The following VIT variants were observed in gnomAD, a reference collection of about 807,000 sequenced individuals.
The protein encoded by VIT is vitrin.
A neutral mutation model predicts 78.0 loss-of-function variants in VIT; 99 were observed. The ratio of observed to expected loss-of-function variants is 1.27; its 90% confidence interval spans 1.08 to 1.50. The LOEUF (loss-of-function observed/expected upper bound fraction) is 1.50. VIT is among the 40% of genes most tolerant of loss of function. The probability of loss-of-function intolerance (pLI) is 0.00; values close to 1 mark genes in which losing one functional copy is unlikely to be tolerated. For missense variants in VIT, 1,126 were observed against 875.3 expected, an observed-to-expected ratio of 1.29 and a Z score of -3.61; for synonymous variants, 374 against 334.3, an observed-to-expected ratio of 1.12 and a Z score of -1.29.
intron 10 of VIT, 70 bp from the exon 11 acceptor site, chr2:36,783,270 C>A: frequency 6.6e-7 from 1 of 1,516,112 alleles, no homozygotes; most frequent in Non-Finnish European, 9.1e-7. Context: ...CCATTATGTC[C>A]CCTCCCATGG....
chr2:36,779,933 C>T (rs961856894), intron 9 of VIT, among the ~76,000 whole-genome samples: 22 of 151,156 alleles, frequency 1.5e-4, no homozygotes, highest in African/African-American at 5.4e-4. Context: ...GGAGGCAAAC[C>T]TGGAAAGAAA....
intron 2 of VIT, among the ~76,000 whole-genome samples, chr2:36,727,829 C>T (rs533270456): frequency 6.6e-6 from 1 of 152,284 alleles, no homozygotes; most frequent in South Asian, 2.1e-4. Flanking sequence ...CCTACTGAGC[C>T]GCCAGCTGCC....
intron 2 of VIT, among the ~76,000 whole-genome samples, chr2:36,726,236 A>T (rs912252161): frequency 1.3e-5 from 2 of 152,222 alleles, no homozygotes; most frequent in African/African-American, 4.8e-5. Context: ...TTAAGTTATG[A>T]TACATCCATA....
In VIT at chr2:36,755,016, T is replaced by A; in HGVS notation, c.371T>A (p.Leu124Ter). Residue 124 changes from leucine to a stop codon, truncating the protein, a stop_gained, in exon 5 of 16, where the codon TTA (leucine) becomes TAA (stop). Coordinates refer to ENST00000379242, the MANE Select transcript of VIT (RefSeq NM_053276.4). LOFTEE classifies it high-confidence loss of function. ...AGTTATTCCAACGGTGTCCAATCGT[T>A]ATCCCTACCACGATGGAGAGAATCC... is the stretch of plus-strand genomic sequence containing the variant. ...KGSYSNGVQSLSLPRWRESFI... is the reference protein window; with the variant it reads ...KGSYSNGVQS 6.2e-7 allele frequency: 1 copy of A among 1,614,202 alleles called. No homozygotes were observed. Among genetic ancestry groups the A allele is most frequent in the Middle Eastern group, 1.6e-4 (1 of 6,062 alleles).
intron 1 of VIT, among the ~76,000 whole-genome samples, chr2:36,708,237 C>G (rs898016221): frequency 1.3e-5 from 2 of 152,048 alleles, no homozygotes; most frequent in African/African-American, 4.8e-5. Context: ...CAGATGTGGC[C>G]TCTCCCCATT....
chr2:36,751,845 A>C (rs1572473825), intron 4 of VIT, among the ~76,000 whole-genome samples: 1 of 152,234 alleles, frequency 6.6e-6, no homozygotes, highest in Non-Finnish European at 1.5e-5. Flanking sequence ...CACTATTCAA[A>C]GGGAAGATAA....
In VIT at chr2:36,808,990, G is replaced by C. The variant is rs565369932; in HGVS notation, c.1903+5G>C. 9 of 1,568,518 alleles carry C rather than the reference G, an allele frequency of 5.7e-6. No homozygotes were observed. In the South Asian group the frequency reaches 6.0e-5, roughly 11 times the overall value. The stretch of plus-strand genomic sequence containing the variant: ...CCATGGCTGCCCATCTGAAGGGTAA[G>C]CTGGGCTTGCCAAGCAGCCTGGTGC... On this transcript the variant is annotated splice_donor_5th_base_variant and intron_variant, in intron 15 of 15. Transcript: ENST00000379242.
chr2:36,722,455 T>C (rs1666574758), intron 2 of VIT, among the ~76,000 whole-genome samples: 1 of 152,226 alleles, frequency 6.6e-6, no homozygotes, highest in Non-Finnish European at 1.5e-5. Flanking sequence ...TTTATGTGAT[T>C]GTAGAGAATA....
intron 4 of VIT, among the ~76,000 whole-genome samples, 181 bp downstream of exon 4, chr2:36,743,437 T>A (rs2148517834): frequency 6.6e-6 from 1 of 152,342 alleles, no homozygotes; most frequent in Admixed American, 6.5e-5. Context: ...CAACAGTTGT[T>A]TTTTTCTTCT....
chr2:36,781,701 T>G lies in VIT; in HGVS notation c.803-26T>G. 3 of 1,613,982 alleles carry G rather than the reference T, an allele frequency of 1.9e-6. No homozygotes were observed. In the South Asian group the frequency reaches 3.3e-5, roughly 18 times the overall value. Reference sequence around the variant, plus strand: ...GCTGGTTTGGTTTAAGTAACAAGTTTGTTTCTTTTCAATTTTGAAAATCAG... The same window carrying G: ...GCTGGTTTGGTTTAAGTAACAAGTTGGTTTCTTTTCAATTTTGAAAATCAG... On this transcript the variant is annotated intron_variant, in intron 9 of 15. Coordinates refer to ENST00000379242, the MANE Select transcript of VIT (RefSeq NM_053276.4).
chr2:36,802,049 A>G (rs1484500816), intron 13 of VIT, among the ~76,000 whole-genome samples: 1 of 152,150 alleles, frequency 6.6e-6, no homozygotes, highest in Non-Finnish European at 1.5e-5. Context: ...GTTCCAATCA[A>G]CTACCGTTGT....
chr2:36,801,530 G>A (rs778837143), intron 13 of VIT, 126 bp downstream of exon 13: 134 of 867,478 alleles, frequency 1.5e-4, no homozygotes, highest in Non-Finnish European at 2.0e-4. Flanking sequence ...ACTTCTGGTC[G>A]GGCGTGGTGG....
chr2:36,700,244 T>A (rs1422790511), intron 1 of VIT, among the ~76,000 whole-genome samples: 1 of 152,150 alleles, frequency 6.6e-6, no homozygotes, highest in Non-Finnish European at 1.5e-5. Flanking sequence ...AGAGGCAACT[T>A]CTGTGATGGT....
At chr2:36,737,238 G>C (rs970151753) in intron 3 of VIT, among the ~76,000 whole-genome samples, 3 of 152,206 alleles carry the variant, frequency 2.0e-5, no homozygotes, top group African/African-American at 7.2e-5. Flanking sequence ...TGGAAAACAA[G>C]TGGAGGATGA....
At chr2:36,803,449 G>A (rs1328016944) in intron 13 of VIT, among the ~76,000 whole-genome samples, 1 of 152,238 alleles carries the variant, frequency 6.6e-6, no homozygotes, top group Non-Finnish European at 1.5e-5. Context: ...ATGGCCTCCA[G>A]ATATAAGGTT....
chr2:36,764,473 A>T (rs1376125936), intron 6 of VIT, among the ~76,000 whole-genome samples: 1 of 152,242 alleles, frequency 6.6e-6, no homozygotes, highest in Admixed American at 6.5e-5. Context: ...CTTTAAAATA[A>T]TGGAAATGTC....
Position 36,753,048 on chromosome 2 carries a change from C to T in VIT, c.276-1873C>T, listed in dbSNP as rs146536570. Among the ~76,000 whole-genome samples the T allele has an allele frequency of 1.8e-3, 281 of 152,300 alleles. 2 individuals are homozygous for T. The highest frequency in any genetic ancestry group is 0.014 in the Middle Eastern group (4 of 294). ...AGCCATAAAAGGAATGAGATCATGT[C>T]CTTGGCAGGGACATGGATTAAATTG... is the stretch of plus-strand genomic sequence containing the variant. On this transcript the variant is annotated intron_variant, in intron 4 of 15. Transcript: ENST00000379242.
chr2:36,793,866 T>C (rs778495128), intron 12 of VIT, among the ~76,000 whole-genome samples: 5 of 152,212 alleles, frequency 3.3e-5, no homozygotes, highest in Non-Finnish European at 5.9e-5. Context: ...ATAGGTACTT[T>C]AGGACTGAAA....
intron 1 of VIT, among the ~76,000 whole-genome samples, chr2:36,714,951 G>A (rs926540611): frequency 1.3e-5 from 2 of 152,130 alleles, no homozygotes; most frequent in African/African-American, 4.8e-5. Context: ...ACTCCCTTAT[G>A]GATCATCAGC....
Sources: gnomAD v4.1 joint callset for allele counts (sites outside exome capture counted in the v4.1 genomes callset) on GRCh38, gnomAD v4.1.1 for gene constraint, MANE v1.5 for transcripts, NCBI Gene and HGNC (gene_info 2026-07-23, HGNC 2026-07-21) for gene names.